The following NDST3 variants were observed in gnomAD, a reference collection of about 807,000 sequenced individuals.
NDST3 encodes the protein bifunctional heparan sulfate N-deacetylase/N-sulfotransferase 3.
Under a neutral mutation model 96.1 loss-of-function variants are expected in NDST3, and 58 were observed. The observed-to-expected ratio is 0.60, with a 90% CI of 0.49 to 0.75. The LOEUF (loss-of-function observed/expected upper bound fraction) is 0.75. Among genes scored for constraint, NDST3 ranks in the 30% least tolerant of loss-of-function variants. The pLI is 0.00. For missense variants in NDST3, 788 were observed against 1,034.2 expected (o/e 0.76, Z 3.27); for synonymous variants, 333 against 359.7 (o/e 0.93, Z 0.84).
chr4:118,083,588 C>T (rs569035422), intron 2 of NDST3, among the ~76,000 whole-genome samples: 3 of 152,248 alleles, frequency 2.0e-5, no homozygotes, highest in Admixed American at 6.5e-5. Flanking sequence ...CTTGGGAGTG[C>T]TGGTTTGCCT....
At chr4:118,060,279 G>C (rs2110464808) in intron 2 of NDST3, among the ~76,000 whole-genome samples, 1 of 151,998 alleles carries the variant, frequency 6.6e-6, no homozygotes, top group African/African-American at 2.4e-5. Flanking sequence ...TTTTGAAATT[G>C]TATTTTAATA....
chr4:118,150,148 T>A (rs1734282542), intron 6 of NDST3, among the ~76,000 whole-genome samples: 1 of 151,120 alleles, frequency 6.6e-6, no homozygotes, highest in Admixed American at 6.6e-5. Context: ...TGCTGCTGGA[T>A]TTTGTTTGCC....
At chr4:118,204,990 T>C (rs1003323994) in intron 6 of NDST3, among the ~76,000 whole-genome samples, 2 of 144,798 alleles carry the variant, frequency 1.4e-5, no homozygotes, top group Non-Finnish European at 3.1e-5. Flanking sequence ...CTTATTATAT[T>C]AAAGTTGCTT....
At chr4:118,150,019 G>A (rs1161263570) in intron 6 of NDST3, among the ~76,000 whole-genome samples, 15 of 151,156 alleles carry the variant, frequency 9.9e-5, no homozygotes, top group Admixed American at 9.9e-4. Flanking sequence ...ATAATCATGT[G>A]GTTTTTGTCT....
At chr4:118,077,843 A>G (rs1446319532) in intron 2 of NDST3, among the ~76,000 whole-genome samples, 1 of 152,170 alleles carries the variant, frequency 6.6e-6, no homozygotes, top group Non-Finnish European at 1.5e-5. Flanking sequence ...TTGCCTGCCG[A>G]GTTCAGGTAG....
intron 6 of NDST3, among the ~76,000 whole-genome samples, chr4:118,180,984 AG>A (rs1379359403): frequency 6.6e-6 from 1 of 152,140 alleles, no homozygotes; most frequent in Non-Finnish European, 1.5e-5. Flanking sequence ...CATCAGGCAA[AG>A]TGCCACCTCA....
chr4:118,247,509 G>A (rs535217946), intron 12 of NDST3, among the ~76,000 whole-genome samples: 3 of 152,012 alleles, frequency 2.0e-5, no homozygotes, highest in South Asian at 2.1e-4. Context: ...CCAAGATCGC[G>A]CCACTGCAAT....
At chr4:118,240,945 T>C (rs1740969174) in intron 11 of NDST3, among the ~76,000 whole-genome samples, 1 of 152,222 alleles carries the variant, frequency 6.6e-6, no homozygotes, top group South Asian at 2.1e-4. Context: ...TTGAAAGCTT[T>C]AGATACGATT....
intron 2 of NDST3, among the ~76,000 whole-genome samples, chr4:118,057,457 G>GA (rs1560612080): frequency 6.6e-6 from 1 of 151,780 alleles, no homozygotes; most frequent in African/African-American, 2.4e-5. Flanking sequence ...CTCAGCCAGG[G>GA]AAAAAATTTA....
At position 118,257,778 on chromosome 4, in the gene NDST3, A is replaced by G. The variant is rs1450025667; in HGVS notation, c.*2066A>G. On this transcript the variant is annotated 3_prime_UTR_variant, in exon 14 of 14. Coordinates refer to ENST00000296499, the MANE Select transcript of NDST3 (RefSeq NM_004784.3). ...CAATTTTTAAGACTCTTGACTCTAAAAGCAAAATCAAAGTGATTTGGACAA... is the reference window on the plus strand; with the variant it reads ...CAATTTTTAAGACTCTTGACTCTAAGAGCAAAATCAAAGTGATTTGGACAA... 6.6e-6 allele frequency: 1 copy of G among 152,224 alleles called. No individual in the cohort carries two copies. The highest frequency in any genetic ancestry group is 1.5e-5 in the Non-Finnish European group (1 of 68,036). 9.4% of individuals were successfully genotyped at this position (152,224 alleles called of 1,614,324 possible).
At chr4:118,240,046 T>C (rs1004163330) in intron 10 of NDST3, among the ~76,000 whole-genome samples, 2 of 152,028 alleles carry the variant, frequency 1.3e-5, no homozygotes, top group Admixed American at 1.3e-4. Context: ...GACTTTCTAG[T>C]ACTTTCTTCA....
At chr4:118,110,940 GA>G (rs959352374) in intron 3 of NDST3, among the ~76,000 whole-genome samples, 1 of 151,956 alleles carries the variant, frequency 6.6e-6, no homozygotes, top group African/African-American at 2.4e-5. Context: ...TGGATTGGAT[GA>G]AAAAAATCTG....
chr4:118,244,763 T>C (rs1741208356), intron 12 of NDST3, among the ~76,000 whole-genome samples: 1 of 152,178 alleles, frequency 6.6e-6, no homozygotes, highest in South Asian at 2.1e-4. Context: ...AGATTGTTGT[T>C]TATTCTTTTC....
chr4:118,250,791 A>G (rs1238268051), intron 12 of NDST3, among the ~76,000 whole-genome samples: 2 of 152,052 alleles, frequency 1.3e-5, no homozygotes, highest in Non-Finnish European at 2.9e-5. Flanking sequence ...GCCTGTTCCA[A>G]TCTTTTATGC....
At chr4:118,059,848 G>A (rs1043979432) in intron 2 of NDST3, among the ~76,000 whole-genome samples, 1 of 152,002 alleles carries the variant, frequency 6.6e-6, no homozygotes, top group Non-Finnish European at 1.5e-5. Flanking sequence ...TAGTATTAAT[G>A]TTTTGTCATT....
In NDST3 at chr4:118,054,644, C is replaced by T. The variant is rs1725291713; in HGVS notation, c.734C>T (p.Ser245Phe). The T allele has an allele frequency of 1.2e-6, 2 of 1,613,118 alleles. No individual in the cohort carries two copies. The highest frequency in any genetic ancestry group is 2.2e-5 in the South Asian group (2 of 91,058). Residue 245 changes from serine (S) to phenylalanine (F), a missense_variant, in exon 2 of 14, where the codon TCT becomes TTT. Transcript: ENST00000296499. ...AAAGTAAAGACCCCAGAAAACCTTT[C>T]TCCTTCCATCTCTAAAGGTGCTTTT... ...FAKVKTPENL[S>F]PSISKGAFYA...
intron 6 of NDST3, among the ~76,000 whole-genome samples, chr4:118,203,176 T>C (rs1738207471): frequency 6.6e-6 from 1 of 152,264 alleles, no homozygotes; most frequent in African/African-American, 2.4e-5. Context: ...CTTGATCATG[T>C]TTTACTAACT....
At chr4:118,247,928 G>A (rs1022788949) in intron 12 of NDST3, among the ~76,000 whole-genome samples, 1 of 152,154 alleles carries the variant, frequency 6.6e-6, no homozygotes, top group African/African-American at 2.4e-5. Context: ...TTTCAATTCA[G>A]TATTCACCCA....
In NDST3 at chr4:118,246,605, A is replaced by C. The variant is rs1250762325; in HGVS notation, c.2399+4456A>C. ...TGGGGAACAAGAGCGAAACTCCATC[A>C]AAAAAAAGAGAGAAAGAAAGAAAAA... is the stretch of plus-strand genomic sequence containing the variant. On this transcript the variant is annotated intron_variant, in intron 12 of 13. Transcript: ENST00000296499. Among the ~76,000 whole-genome samples, 6 of 152,048 alleles carry C rather than the reference A, an allele frequency of 3.9e-5. No individual in the cohort carries two copies. The Middle Eastern group carries it at 0.01, about 259-fold the overall frequency.
Sources: gnomAD v4.1 joint callset for allele counts (sites outside exome capture counted in the v4.1 genomes callset) on GRCh38, gnomAD v4.1.1 for gene constraint, MANE v1.5 for transcripts, NCBI Gene and HGNC (gene_info 2026-07-23, HGNC 2026-07-21) for gene names.